Variants in SUGCT observed in about 807,000 individuals in gnomAD.
SUGCT encodes succinyl-CoA:glutarate CoA-transferase.
A neutral mutation model predicts 55.0 loss-of-function variants in SUGCT; 41 were observed. That is an observed-to-expected ratio of 0.74 (90% confidence interval 0.58 to 0.97). SUGCT has a LOEUF of 0.97. Ranked by LOEUF, SUGCT falls within the 50% of genes least tolerant of loss-of-function variation. The pLI is 0.00. For synonymous variants in SUGCT, 187 were observed against 200.4 expected (o/e 0.93, Z 0.56); for missense variants, 568 against 547.8 (o/e 1.04, Z -0.37).
At chr7:40,679,107 A>G (rs984142882) in intron 12 of SUGCT, among the ~76,000 whole-genome samples, 1 of 152,170 alleles carries the variant, frequency 6.6e-6, no homozygotes, top group Non-Finnish European at 1.5e-5. Context: ...TGGGCTTCCC[A>G]TATTCTTATG....
chr7:40,581,340 A>C (rs1360123751), intron 12 of SUGCT, among the ~76,000 whole-genome samples: 2 of 152,208 alleles, frequency 1.3e-5, no homozygotes, highest in Admixed American at 1.3e-4. Flanking sequence ...TATGACACCT[A>C]AGTGACATGT....
At position 40,251,387 on chromosome 7, in the gene SUGCT, T is replaced by C. The variant is rs146851101; in HGVS notation, c.576+13661T>C. Among the ~76,000 whole-genome samples the C allele has an allele frequency of 3.7e-3, 564 of 152,280 alleles. 2 individuals carry two copies. The highest frequency in any genetic ancestry group is 0.013 in the African/African-American group (539 of 41,562). On this transcript the variant is annotated intron_variant, in intron 7 of 13. Coordinates refer to ENST00000335693, the MANE Select transcript of SUGCT (RefSeq NM_001193313.2). The stretch of plus-strand genomic sequence containing the variant: ...TAGTCAAGTTCCATAACATGTAAAT[T>C]CTATACTGCAACAATAATTCCCCCA...
At chr7:40,502,804 T>C (rs1227469872) in intron 12 of SUGCT, among the ~76,000 whole-genome samples, 1 of 152,074 alleles carries the variant, frequency 6.6e-6, no homozygotes, top group African/African-American at 2.4e-5. Flanking sequence ...TTTCCTCACT[T>C]TTTAGTTATT....
intron 12 of SUGCT, among the ~76,000 whole-genome samples, chr7:40,649,407 G>A (rs1562925347): frequency 6.6e-6 from 1 of 152,030 alleles, no homozygotes; most frequent in Admixed American, 6.6e-5. Flanking sequence ...CAGATGGGGG[G>A]GGAAGGATTG....
intron 12 of SUGCT, among the ~76,000 whole-genome samples, chr7:40,568,350 C>T (rs1219990467): frequency 2.0e-5 from 3 of 152,118 alleles, no homozygotes; most frequent in African/African-American, 7.2e-5. Flanking sequence ...CACACACACA[C>T]CCCTCAAGAA....
intron 7 of SUGCT, among the ~76,000 whole-genome samples, chr7:40,268,658 T>A (rs1383639390): frequency 2.0e-5 from 3 of 151,992 alleles, no homozygotes; most frequent in African/African-American, 7.3e-5. Context: ...TTTTAATTTT[T>A]TTTTTTTCCG....
At chr7:40,414,771 G>C (rs970168112) in intron 9 of SUGCT, among the ~76,000 whole-genome samples, 1 of 151,994 alleles carries the variant, frequency 6.6e-6, no homozygotes, top group Non-Finnish European at 1.5e-5. Flanking sequence ...GGCTGGGCGC[G>C]GTGGCTCATG....
the SUGCT span, among the ~76,000 whole-genome samples, chr7:40,977,320 G>A: frequency 2.6e-5 from 4 of 152,334 alleles, no homozygotes; most frequent in East Asian, 1.9e-4. Context: ...GCATGCTGGC[G>A]ACAAGGTTGA....
intron 13 of SUGCT, among the ~76,000 whole-genome samples, chr7:40,846,985 T>A (rs984770713): frequency 6.6e-6 from 1 of 152,228 alleles, no homozygotes; most frequent in African/African-American, 2.4e-5. Context: ...CACGTGTAAG[T>A]ACTCAATAAA....
At chr7:40,857,310 A>G (rs1794230451) in intron 13 of SUGCT, among the ~76,000 whole-genome samples, 1 of 152,060 alleles carries the variant, frequency 6.6e-6, no homozygotes, top group Admixed American at 6.5e-5. Context: ...TGTCCCTGCT[A>G]TTATTATTAT....
At chr7:40,697,859 C>G (rs1050610901) in intron 12 of SUGCT, among the ~76,000 whole-genome samples, 1 of 152,168 alleles carries the variant, frequency 6.6e-6, no homozygotes, top group African/African-American at 2.4e-5. Flanking sequence ...AGCCAACAAG[C>G]CTTTTCCCCC....
At chr7:40,287,808 A>G (rs1307206943) in intron 8 of SUGCT, among the ~76,000 whole-genome samples, 1 of 151,652 alleles carries the variant, frequency 6.6e-6, no homozygotes, top group African/African-American at 2.4e-5. Flanking sequence ...TTTCCTTAAT[A>G]CTCTTTAACA....
intron 12 of SUGCT, among the ~76,000 whole-genome samples, chr7:40,682,567 C>T (rs1031645765): frequency 6.6e-5 from 10 of 152,160 alleles, no homozygotes; most frequent in Admixed American, 4.6e-4. Context: ...AGTTGATGTC[C>T]GCTGGAGAAC....
intron 1 of SUGCT, among the ~76,000 whole-genome samples, chr7:40,156,076 C>T (rs899703244): frequency 6.6e-6 from 1 of 151,962 alleles, no homozygotes; most frequent in Non-Finnish European, 1.5e-5. Context: ...AGGCTGGTCT[C>T]GAACTCCTGA....
intron 9 of SUGCT, among the ~76,000 whole-genome samples, chr7:40,429,404 G>A (rs1787775237): frequency 6.6e-6 from 1 of 152,066 alleles, no homozygotes; most frequent in African/African-American, 2.4e-5. Context: ...TGACTCACAC[G>A]ATCACAAGGT....
intron 1 of SUGCT, among the ~76,000 whole-genome samples, chr7:40,157,107 T>C (rs934959814): frequency 3.3e-5 from 5 of 152,024 alleles, no homozygotes; most frequent in African/African-American, 1.2e-4. Context: ...AGACAAGCCT[T>C]GGAAGTTAAA....
At chr7:40,673,365 T>C (rs891717690) in intron 12 of SUGCT, among the ~76,000 whole-genome samples, 1 of 152,148 alleles carries the variant, frequency 6.6e-6, no homozygotes, top group Non-Finnish European at 1.5e-5. Context: ...GTATTTCTTA[T>C]AAACCACCTG....
chr7:40,288,339 A>G (rs1392583118), intron 8 of SUGCT, among the ~76,000 whole-genome samples: 1 of 152,098 alleles, frequency 6.6e-6, no homozygotes, highest in East Asian at 1.9e-4. Context: ...ACTAAACTTT[A>G]AACTCATTCT....
the SUGCT span, among the ~76,000 whole-genome samples, chr7:40,945,427 C>T: frequency 9.9e-5 from 15 of 152,278 alleles, no homozygotes; most frequent in Admixed American, 2.6e-4. Flanking sequence ...GGGCACTCCT[C>T]CTGTGGAGAT....
Sources: allele counts gnomAD v4.1 joint callset (sites outside exome capture counted in the v4.1 genomes callset), GRCh38; gene constraint gnomAD v4.1.1; transcripts MANE v1.5; gene names NCBI Gene and HGNC (gene_info 2026-07-23, HGNC 2026-07-21).